Variants in LINGO2 observed in about 807,000 individuals in gnomAD.
LINGO2 encodes the protein leucine-rich repeat and immunoglobulin-like domain-containing nogo receptor-interacting protein 2.
In LINGO2, 14 loss-of-function variants were observed where a neutral mutation model predicts 30.6. The ratio of observed to expected loss-of-function variants is 0.46; its 90% confidence interval spans 0.30 to 0.72. The LOEUF (loss-of-function observed/expected upper bound fraction) is 0.72, where lower values mean the gene tolerates loss of function less well. Ranked by LOEUF, LINGO2 falls within the 30% of genes least tolerant of loss-of-function variation. The pLI is 0.07. For synonymous variants in LINGO2, 317 were observed against 288.5 expected (o/e 1.10, Z -1.00); for missense variants, 729 against 751.7 (o/e 0.97, Z 0.35).
intron 3 of LINGO2, among the ~76,000 whole-genome samples, chr9:28,337,860 G>A (rs1825639807): frequency 6.6e-6 from 1 of 151,870 alleles, no homozygotes; most frequent in Non-Finnish European, 1.5e-5. Flanking sequence ...GCAGAAGTTT[G>A]CTGCAGGGGT....
At chr9:28,843,343 A>G in the LINGO2 span, among the ~76,000 whole-genome samples, 1 of 151,548 alleles carries the variant, frequency 6.6e-6, no homozygotes, top group South Asian at 2.1e-4. Flanking sequence ...CTGACCTCAT[A>G]TATGTGGGTT....
the LINGO2 span, among the ~76,000 whole-genome samples, chr9:28,733,570 C>T: frequency 1.3e-5 from 2 of 152,162 alleles, no homozygotes; most frequent in African/African-American, 4.8e-5. Context: ...TCTCACCTAA[C>T]ACACTTATGA....
intron 4 of LINGO2, among the ~76,000 whole-genome samples, chr9:28,166,111 G>T (rs1293388986): frequency 6.6e-6 from 1 of 152,068 alleles, no homozygotes; most frequent in Non-Finnish European, 1.5e-5. Flanking sequence ...TTATATATCT[G>T]CCAATAACTA....
the LINGO2 span, among the ~76,000 whole-genome samples, chr9:28,732,543 T>A: frequency 6.6e-6 from 1 of 151,980 alleles, no homozygotes; most frequent in East Asian, 1.9e-4. Context: ...TAAGCTTACA[T>A]TTTTTCTTTA....
the LINGO2 span, among the ~76,000 whole-genome samples, chr9:29,052,303 T>C: frequency 6.6e-6 from 1 of 152,184 alleles, no homozygotes; most frequent in Non-Finnish European, 1.5e-5. Context: ...TACTAAGCAC[T>C]TCTATACCAG....
chr9:28,848,395 G>GTATATATA, the LINGO2 span, among the ~76,000 whole-genome samples: 5 of 38,802 alleles, frequency 1.3e-4, no homozygotes, highest in Admixed American at 4.1e-4. Flanking sequence ...GTGTGTGTGT[G>GTATATATA]TGTATATATA....
At chr9:28,179,884 T>C (rs1400498878) in intron 4 of LINGO2, among the ~76,000 whole-genome samples, 1 of 151,894 alleles carries the variant, frequency 6.6e-6, no homozygotes, top group Non-Finnish European at 1.5e-5. Flanking sequence ...GCTAAAACTC[T>C]GGTATGTTAA....
the LINGO2 span, among the ~76,000 whole-genome samples, chr9:29,157,511 A>G: frequency 6.6e-6 from 1 of 152,198 alleles, no homozygotes; most frequent in Non-Finnish European, 1.5e-5. Flanking sequence ...AGATTGTGGC[A>G]TATGAATCTC....
chr9:28,205,499 A>G (rs10757718), intron 4 of LINGO2, among the ~76,000 whole-genome samples: 1 of 152,058 alleles, frequency 6.6e-6, no homozygotes, highest in African/African-American at 2.4e-5. Context: ...CCTACTTAAC[A>G]TATCACTGCT....
chr9:28,172,016 C>A (rs1252598126), intron 4 of LINGO2, among the ~76,000 whole-genome samples: 130 of 43,992 alleles, frequency 3.0e-3, no homozygotes, highest in Non-Finnish European at 3.1e-3. Flanking sequence ...GACTCCGTCT[C>A]AAAAAAAAAA....
At chr9:28,892,990 T>C in the LINGO2 span, among the ~76,000 whole-genome samples, 12 of 152,042 alleles carry the variant, frequency 7.9e-5, no homozygotes, top group African/African-American at 2.9e-4. Flanking sequence ...TAAGAAATGT[T>C]TCAAAATGCT....
chr9:28,015,218 C>T (rs933432056), intron 4 of LINGO2, among the ~76,000 whole-genome samples: 1 of 152,124 alleles, frequency 6.6e-6, no homozygotes, highest in African/African-American at 2.4e-5. Context: ...ACAAGTTCCT[C>T]TTATTAAACC....
At chr9:28,052,326 C>CTAGTT (rs1345309393) in intron 4 of LINGO2, among the ~76,000 whole-genome samples, 1 of 152,080 alleles carries the variant, frequency 6.6e-6, no homozygotes, top group Non-Finnish European at 1.5e-5. Context: ...CAAGTAATGA[C>CTAGTT]TAGTTTATTA....
intron 4 of LINGO2, among the ~76,000 whole-genome samples, chr9:28,235,472 T>C (rs1272069966): frequency 6.6e-6 from 1 of 152,014 alleles, no homozygotes; most frequent in Non-Finnish European, 1.5e-5. Context: ...TCCAGGAAAA[T>C]AGGACCTCAT....
chr9:27,958,159 G>A (rs904129487), intron 5 of LINGO2, among the ~76,000 whole-genome samples: 2 of 152,076 alleles, frequency 1.3e-5, no homozygotes, highest in Non-Finnish European at 2.9e-5. Context: ...AAAATTACAA[G>A]TGAGTACGGA....
chr9:28,124,191 C>T (rs940146695), intron 4 of LINGO2, among the ~76,000 whole-genome samples: 3 of 152,130 alleles, frequency 2.0e-5, no homozygotes, highest in Non-Finnish European at 4.4e-5. Flanking sequence ...TGACTTGGCA[C>T]TCATTAACCC....
the LINGO2 span, among the ~76,000 whole-genome samples, chr9:28,698,347 C>A: frequency 6.6e-6 from 1 of 151,850 alleles, no homozygotes; most frequent in Non-Finnish European, 1.5e-5. Context: ...TCCTGTTATT[C>A]AAAAAAATTA....
chr9:28,782,118 T>C, the LINGO2 span, among the ~76,000 whole-genome samples: 2 of 152,148 alleles, frequency 1.3e-5, no homozygotes, highest in Non-Finnish European at 2.9e-5. Flanking sequence ...TAAAAATATA[T>C]ATATATATCT....
chr9:28,416,184 C>T (rs949412178), intron 2 of LINGO2, among the ~76,000 whole-genome samples: 4 of 152,040 alleles, frequency 2.6e-5, no homozygotes, highest in Admixed American at 1.3e-4. Context: ...CTTTCTCTGA[C>T]CACACAAGTA....
Sources: allele counts gnomAD v4.1 joint callset (sites outside exome capture counted in the v4.1 genomes callset), GRCh38; gene constraint gnomAD v4.1.1; transcripts MANE v1.5; gene names NCBI Gene and HGNC (gene_info 2026-07-23, HGNC 2026-07-21).